The following TMEM278 variants were observed in gnomAD, a reference collection of about 807,000 sequenced individuals.
TMEM278 encodes the protein transmembrane protein 88B.
the TMEM278 span, among the ~76,000 whole-genome samples, chr1:1,428,006 G>C: frequency 6.5e-5 from 8 of 122,738 alleles, no homozygotes; most frequent in South Asian, 2.9e-4. Context: ...AGAGAGGGGA[G>C]GGGAGGGGGA....
chr1:1,426,258 C>A, the TMEM278 span: 118 of 1,491,782 alleles, frequency 7.9e-5, no homozygotes, highest in Non-Finnish European at 9.9e-5. Flanking sequence ...TGGTCGGGGC[C>A]CCCGCTGCTG....
At chr1:1,426,328 G>T in the TMEM278 span, 1 of 1,465,530 alleles carries the variant, frequency 6.8e-7, no homozygotes. Flanking sequence ...CAGCCTTCCT[G>T]CTGGTGCTCC....
At chr1:1,427,628 G>A in the TMEM278 span, 3 of 1,339,160 alleles carry the variant, frequency 2.2e-6, no homozygotes, top group African/African-American at 1.7e-5. Context: ...TCGTGTTCGG[G>A]CTTCTCTCGC....
chr1:1,427,907 C>A, the TMEM278 span: 1 of 1,012,840 alleles, frequency 9.9e-7, no homozygotes, highest in Non-Finnish European at 1.3e-6. Flanking sequence ...GCGCGCAGCG[C>A]TCCCGGCTTA....
the TMEM278 span, chr1:1,427,933 C>A: frequency 1.6e-6 from 1 of 636,688 alleles, no homozygotes; most frequent in Middle Eastern, 5.8e-4. Flanking sequence ...CCGGCCTCCC[C>A]CGCCCGCAGC....
the TMEM278 span, among the ~76,000 whole-genome samples, chr1:1,429,159 G>C: frequency 6.6e-6 from 1 of 151,482 alleles, no homozygotes; most frequent in South Asian, 2.1e-4. Context: ...ACAAGAGCAA[G>C]ACTCCATCTT....
chr1:1,428,957 G>A, the TMEM278 span, among the ~76,000 whole-genome samples: 80 of 141,890 alleles, frequency 5.6e-4, no homozygotes, highest in African/African-American at 1.7e-3. Context: ...CCAAGATCAC[G>A]CCACTGCACT....
chr1:1,427,383 C>T, the TMEM278 span, among the ~76,000 whole-genome samples: 1 of 102,904 alleles, frequency 9.7e-6, no homozygotes, highest in Non-Finnish European at 2.1e-5. Flanking sequence ...CATCACCCTG[C>T]CCTGCTCCCC....
the TMEM278 span, among the ~76,000 whole-genome samples, chr1:1,427,134 G>A: frequency 3.0e-5 from 3 of 98,756 alleles, no homozygotes; most frequent in African/African-American, 7.6e-5. Context: ...GCCCCGCCCC[G>A]CTCTTTCATC....
At chr1:1,429,603 G>A in the TMEM278 span, among the ~76,000 whole-genome samples, 1 of 152,156 alleles carries the variant, frequency 6.6e-6, no homozygotes, top group Non-Finnish European at 1.5e-5. Context: ...ACGTTTGGTT[G>A]TTTAATTGTC....
chr1:1,428,200 A>C, the TMEM278 span, among the ~76,000 whole-genome samples: 1 of 136,570 alleles, frequency 7.3e-6, no homozygotes, highest in Non-Finnish European at 1.6e-5. Context: ...GAGGGGAGGG[A>C]AGGGCAGGGC....
At chr1:1,427,257 G>A in the TMEM278 span, among the ~76,000 whole-genome samples, 3 of 66,168 alleles carry the variant, frequency 4.5e-5, no homozygotes, top group African/African-American at 6.5e-5. Flanking sequence ...CCCTGCTCCC[G>A]CCCATCCATC....
chr1:1,427,735 G>A, the TMEM278 span: 1 of 1,302,488 alleles, frequency 7.7e-7, no homozygotes, highest in South Asian at 2.1e-5. Flanking sequence ...CCCGGACCCC[G>A]CCGCCCCCCG....
At chr1:1,428,347 C>G in the TMEM278 span, among the ~76,000 whole-genome samples, 1 of 152,008 alleles carries the variant, frequency 6.6e-6, no homozygotes, top group African/African-American at 2.4e-5. Context: ...TCGGCCAAGC[C>G]CAGGGTTCCA....
chr1:1,427,975 A>G, the TMEM278 span, among the ~76,000 whole-genome samples: 3,678 of 54,700 alleles, frequency 0.067, 221 homozygotes, highest in African/African-American at 0.2. Flanking sequence ...AGGGGAGGGG[A>G]AGAGAGGGGA....
the TMEM278 span, among the ~76,000 whole-genome samples, chr1:1,427,367 C>T: frequency 3.1e-5 from 4 of 129,692 alleles, no homozygotes; most frequent in Admixed American, 1.6e-4. Flanking sequence ...CCTGCCCCTT[C>T]CCCTCCATCA....
At chr1:1,428,893 G>A in the TMEM278 span, among the ~76,000 whole-genome samples, 4 of 151,792 alleles carry the variant, frequency 2.6e-5, no homozygotes, top group East Asian at 1.9e-4. Flanking sequence ...CCAGCTACTC[G>A]GGAGGCTGAG....
At chr1:1,427,736 CCGCCCCCCGGGG>C in the TMEM278 span, 1 of 1,305,452 alleles carries the variant, frequency 7.7e-7, no homozygotes, top group Non-Finnish European at 9.7e-7. Context: ...CCGGACCCCG[CCGCCCCCCGGGG>C]CGCCCCGACG....
the TMEM278 span, among the ~76,000 whole-genome samples, chr1:1,427,966 G>A: frequency 9.8e-5 from 14 of 142,732 alleles, 1 homozygote; most frequent in Non-Finnish European, 1.4e-4. Context: ...ACGGAGGGCA[G>A]GGGAGGGGAA....
Sources: gnomAD v4.1 joint callset for allele counts (sites outside exome capture counted in the v4.1 genomes callset) on GRCh38, gnomAD v4.1.1 for gene constraint, MANE v1.5 for transcripts, NCBI Gene and HGNC (gene_info 2026-07-23, HGNC 2026-07-21) for gene names.